The following AIFM1 variants were observed in gnomAD, a reference collection of about 807,000 sequenced individuals.
The protein encoded by AIFM1 is apoptosis inducing factor mitochondria associated 1.
Under a neutral mutation model 51.7 loss-of-function variants are expected in AIFM1, and 3 were observed. The observed-to-expected ratio is 0.06, with a 90% CI of 0.03 to 0.15. The LOEUF is 0.15. AIFM1 is among the 10% of genes least tolerant of loss of function. AIFM1 has a pLI of 1.00. For missense variants in AIFM1, 330 were observed against 476.8 expected (o/e 0.69, Z 2.87); for synonymous variants, 178 against 179.4 (o/e 0.99, Z 0.06).
intron 14 of AIFM1, among the ~76,000 whole-genome samples, chrX:130,130,869 T>G (rs904632918): frequency 1.8e-5 from 2 of 112,266 alleles, no homozygotes; most frequent in African/African-American, 6.5e-5. Flanking sequence ...CAAATAATAC[T>G]GTCCAGTCGA....
chrX:130,156,709 A>C (rs781430822), intron 1 of AIFM1, 106 bp from the exon 2 acceptor site: 1 of 889,705 alleles, frequency 1.1e-6, no homozygotes, highest in East Asian at 3.2e-5. Context: ...GCCCACAGAT[A>C]TTCACCGTTA....
chrX:130,162,105 C>A (rs2031371686), intron 1 of AIFM1, among the ~76,000 whole-genome samples: 1 of 111,988 alleles, frequency 8.9e-6, no homozygotes, highest in South Asian at 3.7e-4. Flanking sequence ...CGAGAATTTA[C>A]CATGTGCCAG....
chrX:130,148,013 TAAC>T, intron 3 of AIFM1, 137 bp from the exon 4 acceptor site: 1 of 795,631 alleles, frequency 1.3e-6, no homozygotes. Flanking sequence ...ACGCTAATCT[TAAC>T]AATCTTCACA....
chrX:130,148,139 T>C (rs2030822243), intron 3 of AIFM1, among the ~76,000 whole-genome samples: 1 of 112,134 alleles, frequency 8.9e-6, no homozygotes, highest in African/African-American at 3.2e-5. Context: ...TACTAGGACA[T>C]AGCTTAAATA....
At chrX:130,165,517 C>T in intron 1 of AIFM1, 34 bp downstream of exon 1, 1 of 1,134,481 alleles carries the variant, frequency 8.8e-7, no homozygotes, top group Admixed American at 2.5e-5. Context: ...GCCAGGCCCT[C>T]GGACTTGGAG....
intron 3 of AIFM1, 141 bp downstream of exon 3, chrX:130,149,328 G>T: frequency 1.8e-6 from 1 of 546,072 alleles, no homozygotes; most frequent in Non-Finnish European, 3.2e-6. Context: ...CCAGTTCTAG[G>T]GTAATACCAT....
intron 14 of AIFM1, among the ~76,000 whole-genome samples, chrX:130,131,108 C>T (rs2030058459): frequency 9.0e-6 from 1 of 111,522 alleles, no homozygotes; most frequent in Non-Finnish European, 1.9e-5. Flanking sequence ...ATGAAAGAGA[C>T]ATGTGTGGGA....
intron 7 of AIFM1, among the ~76,000 whole-genome samples, chrX:130,140,078 T>C (rs536850998): frequency 3.6e-5 from 4 of 112,302 alleles, no homozygotes; most frequent in Non-Finnish European, 5.6e-5. Context: ...TGAGAGTCTG[T>C]CTTCAAGGGG....
intron 2 of AIFM1, 54 bp from the exon 3 acceptor site, chrX:130,149,622 G>GT: frequency 1.2e-6 from 1 of 851,838 alleles, no homozygotes; most frequent in South Asian, 2.0e-5. Flanking sequence ...AGCTCATACT[G>GT]TAAGTAATAT....
chrX:130,136,898 AG>A (rs988061591), intron 10 of AIFM1, among the ~76,000 whole-genome samples, 167 bp from the exon 11 acceptor site: 2 of 111,356 alleles, frequency 1.8e-5, no homozygotes, highest in African/African-American at 6.5e-5. Flanking sequence ...CAGCACTTCC[AG>A]GAATTTGGGG....
chrX:130,162,997 T>C (rs186306919), intron 1 of AIFM1, among the ~76,000 whole-genome samples: 19 of 110,994 alleles, frequency 1.7e-4, no homozygotes, highest in African/African-American at 5.9e-4. Flanking sequence ...CAACATATAA[T>C]GGAAATGAAC....
chrX:130,157,244 CA>C (rs2031193828), intron 1 of AIFM1, among the ~76,000 whole-genome samples: 1 of 112,169 alleles, frequency 8.9e-6, no homozygotes, highest in African/African-American at 3.2e-5. Flanking sequence ...CTTACTCCTC[CA>C]AAATAATACA....
chrX:130,139,342 A>AC (rs2030494226), intron 8 of AIFM1, among the ~76,000 whole-genome samples: 1 of 110,562 alleles, frequency 9.0e-6, no homozygotes, highest in Non-Finnish European at 1.9e-5. Context: ...GAAAAAAAAA[A>AC]AAAGACAGGA....
chrX:130,136,380 C>T (rs953714923), intron 11 of AIFM1, among the ~76,000 whole-genome samples, 195 bp from the exon 12 acceptor site: 1 of 112,205 alleles, frequency 8.9e-6, no homozygotes, highest in African/African-American at 3.2e-5. Flanking sequence ...CCATGTCATT[C>T]GAACAGAAAT....
chrX:130,160,033 G>T (rs1348234921), intron 1 of AIFM1, among the ~76,000 whole-genome samples: 3 of 110,557 alleles, frequency 2.7e-5, no homozygotes, highest in Non-Finnish European at 5.7e-5. Flanking sequence ...TGTTGTCCAG[G>T]CTGGAAAAGT....
chrX:130,148,325 G>A lies in AIFM1; in HGVS notation c.350-449C>T, dbSNP rs1440986054. On this transcript the variant is annotated intron_variant, in intron 3 of 15. Coordinates refer to ENST00000287295, the MANE Select transcript of AIFM1 (RefSeq NM_004208.4). ...ATCATACAATGTTCAAGAATAAGGGGGTGCTTTTGAAAAAAGCAGAACAAA... is the reference window on the plus strand; with the variant it reads ...ATCATACAATGTTCAAGAATAAGGGAGTGCTTTTGAAAAAAGCAGAACAAA... Among the ~76,000 whole-genome samples the A allele has an allele frequency of 2.7e-5, 3 of 111,024 alleles. No individual in the cohort carries two copies. The Admixed American group carries it at 2.9e-4, about 11-fold the overall frequency.
chrX:130,159,421 T>C (rs2031278238), intron 1 of AIFM1, among the ~76,000 whole-genome samples: 1 of 111,873 alleles, frequency 8.9e-6, no homozygotes, highest in African/African-American at 3.2e-5. Context: ...CAGAAACTTA[T>C]CTCAATCTGG....
chrX:130,131,530 T>C lies in AIFM1; in HGVS notation c.1573+145A>G. 4 of 867,429 alleles carry C rather than the reference T, an allele frequency of 4.6e-6. 1 individual carries two copies. In the South Asian group the frequency reaches 8.6e-5, roughly 19 times the overall value. The allele number at this position is 867,429 out of a possible 1,213,427, so 71.5% of individuals were successfully genotyped here. Reference sequence around the variant, plus strand: ...TCTCAGACCACTAAAGAGTGAGGACTTGGGGTTTGGTTTCTTTTAAAGCAC... The same window carrying C: ...TCTCAGACCACTAAAGAGTGAGGACCTGGGGTTTGGTTTCTTTTAAAGCAC... On this transcript the variant is annotated intron_variant, in intron 14 of 15. Transcript: ENST00000287295.
At chrX:130,149,007 C>T (rs1054234336) in intron 3 of AIFM1, among the ~76,000 whole-genome samples, 1 of 103,382 alleles carries the variant, frequency 9.7e-6, no homozygotes, top group Non-Finnish European at 2.0e-5. Flanking sequence ...CTGCAACCTC[C>T]GCCACTTCAG....
Sources: allele counts gnomAD v4.1 joint callset (sites outside exome capture counted in the v4.1 genomes callset), GRCh38; gene constraint gnomAD v4.1.1; transcripts MANE v1.5; gene names NCBI Gene and HGNC (gene_info 2026-07-23, HGNC 2026-07-21).